Variants in BAALC observed in about 807,000 individuals in gnomAD.
BAALC encodes BAALC binder of MAP3K1 and KLF4.
BAALC carries 9 observed loss-of-function variants against 15.5 expected under a neutral mutation model. The ratio of observed to expected loss-of-function variants is 0.58; its 90% CI spans 0.35 to 1.02. BAALC has a LOEUF of 1.02. BAALC is among the 50% of genes least tolerant of loss of function. BAALC has a pLI of 0.02. For missense variants in BAALC, 201 were observed against 192.4 expected, an observed-to-expected ratio of 1.04 and a Z score of -0.27; for synonymous variants, 80 against 74.6, an observed-to-expected ratio of 1.07 and a Z score of -0.37.
chr8:103,211,098 C>A (rs1426793689), intron 1 of BAALC, among the ~76,000 whole-genome samples: 2 of 152,216 alleles, frequency 1.3e-5, no homozygotes, highest in South Asian at 2.1e-4. Context: ...TTAGGTTGGG[C>A]TTCTCTTGCC....
chr8:103,190,971 G>C (rs1811953755), intron 1 of BAALC: 1 of 152,228 alleles, frequency 6.6e-6, no homozygotes, highest in African/African-American at 2.4e-5. Flanking sequence ...TGAGGCGGGG[G>C]GACTGCCTGA....
intron 1 of BAALC, among the ~76,000 whole-genome samples, chr8:103,162,144 T>C (rs1216458567): frequency 6.6e-6 from 1 of 152,042 alleles, no homozygotes; most frequent in South Asian, 2.1e-4. Flanking sequence ...ATTTTTTTCA[T>C]AGAGATGGGG....
intron 2 of BAALC, among the ~76,000 whole-genome samples, chr8:103,218,213 C>T (rs576394003): frequency 1.4e-4 from 21 of 152,268 alleles, no homozygotes; most frequent in African/African-American, 4.3e-4. Flanking sequence ...CCAATCCCCC[C>T]GCCTTATGCC....
intron 2 of BAALC, among the ~76,000 whole-genome samples, chr8:103,215,930 T>C (rs1812544345): frequency 6.6e-6 from 1 of 152,190 alleles, no homozygotes; most frequent in African/African-American, 2.4e-5. Flanking sequence ...ACATAGAACA[T>C]TATCACCAGC....
chr8:103,168,319 T>A (rs1163185352), intron 1 of BAALC, among the ~76,000 whole-genome samples: 1 of 152,168 alleles, frequency 6.6e-6, no homozygotes, highest in Non-Finnish European at 1.5e-5. Context: ...ATCTATTGAT[T>A]ACCCTCATGA....
At chr8:103,197,850 C>T (rs959967853) in intron 1 of BAALC, among the ~76,000 whole-genome samples, 2 of 152,082 alleles carry the variant, frequency 1.3e-5, no homozygotes, top group African/African-American at 4.8e-5. Context: ...GAAGGATATG[C>T]CCCATGATCC....
At chr8:103,221,034 G>A (rs189339993) in intron 2 of BAALC, among the ~76,000 whole-genome samples, 4 of 152,134 alleles carry the variant, frequency 2.6e-5, no homozygotes, top group Admixed American at 1.3e-4. Context: ...CTGAACAAAG[G>A]TATCTGCAGT....
chr8:103,164,306 A>T (rs1319119726), intron 1 of BAALC, among the ~76,000 whole-genome samples: 1 of 152,136 alleles, frequency 6.6e-6, no homozygotes, highest in Non-Finnish European at 1.5e-5. Context: ...GATGTCTGTA[A>T]GGAGGTAGAC....
At chr8:103,165,820 C>G (rs1189359970) in intron 1 of BAALC, 1 of 152,224 alleles carries the variant, frequency 6.6e-6, no homozygotes, top group African/African-American at 2.4e-5. Context: ...TAGTAAGACA[C>G]TTACCCTCTT....
intron 1 of BAALC, among the ~76,000 whole-genome samples, chr8:103,160,504 T>C (rs1811201717): frequency 6.6e-6 from 1 of 152,036 alleles, no homozygotes; most frequent in South Asian, 2.1e-4. Context: ...TTTTTGGGAG[T>C]TTTTTGTCTT....
At chr8:103,221,900 G>T (rs185849468) in intron 2 of BAALC, among the ~76,000 whole-genome samples, 3 of 152,238 alleles carry the variant, frequency 2.0e-5, no homozygotes, top group African/African-American at 7.2e-5. Flanking sequence ...GAGAGTATGT[G>T]CCCAAGGTGG....
At chr8:103,198,228 T>G in intron 1 of BAALC, 1 of 651,010 alleles carries the variant, frequency 1.5e-6, no homozygotes. Context: ...GTGGTGTTTC[T>G]GTTCTTATGT....
chr8:103,166,277 C>G (rs115935646), intron 1 of BAALC: 1 of 152,660 alleles, frequency 6.6e-6, no homozygotes, highest in Admixed American at 6.6e-5. Flanking sequence ...GCCGCAGACC[C>G]GCCTGCTGAT....
rs528973172 is a variant in BAALC, at chr8:103,209,328, T to C, written c.161-3591T>C. Among the ~76,000 whole-genome samples the C allele has an allele frequency of 1.5e-3, 230 of 152,056 alleles. 1 individual carries two copies. Among genetic ancestry groups the C allele is most frequent in the African/African-American group, 5.4e-3 (223 of 41,466 alleles). On this transcript the variant is annotated intron_variant, in intron 1 of 2. Coordinates refer to ENST00000309982, the MANE Select transcript of BAALC (RefSeq NM_024812.3). ...CAGAGGCTGCAGTGAGTTGAGATCA[T>C]GCCACTGCACTCCACCCTGGGCAAC...
chr8:103,172,907 A>G (rs1486219133), intron 1 of BAALC, among the ~76,000 whole-genome samples: 3 of 152,238 alleles, frequency 2.0e-5, no homozygotes, highest in Non-Finnish European at 4.4e-5. Flanking sequence ...CAATTATAAA[A>G]CAAAAAATAA....
At chr8:103,213,146 G>T (rs1812489402) in intron 2 of BAALC, 61 bp downstream of exon 2, 2 of 1,555,084 alleles carry the variant, frequency 1.3e-6, no homozygotes, top group Admixed American at 3.6e-5. Context: ...CTTGCTTCAG[G>T]GCAGAGCCAC....
intron 1 of BAALC, among the ~76,000 whole-genome samples, chr8:103,157,826 G>T (rs1242016067): frequency 1.3e-5 from 2 of 152,052 alleles, no homozygotes; most frequent in Non-Finnish European, 2.9e-5. Flanking sequence ...TTTTTAAAAA[G>T]TAAAAAGATA....
intron 1 of BAALC, 73 bp downstream of exon 1, chr8:103,141,130 G>T: frequency 1.5e-6 from 2 of 1,365,130 alleles, no homozygotes; most frequent in South Asian, 3.5e-5. Flanking sequence ...ACTGAGAGAG[G>T]AGCCGGTTCC....
At chr8:103,208,229 T>C (rs1010286481) in intron 1 of BAALC, 4 of 152,256 alleles carry the variant, frequency 2.6e-5, no homozygotes, top group Admixed American at 6.5e-5. Flanking sequence ...CCTTTAGATA[T>C]GGTCTCACTT....
Sources: gnomAD v4.1 joint callset for allele counts (sites outside exome capture counted in the v4.1 genomes callset) on GRCh38, gnomAD v4.1.1 for gene constraint, MANE v1.5 for transcripts, NCBI Gene and HGNC (gene_info 2026-07-23, HGNC 2026-07-21) for gene names.